The following PALLD variants were observed in gnomAD, a reference collection of about 807,000 sequenced individuals.
The protein encoded by PALLD is palladin, cytoskeletal associated protein, also known as palladin.
A neutral mutation model predicts 123.5 loss-of-function variants in PALLD; 61 were observed. The observed-to-expected ratio is 0.49, with a 90% CI of 0.40 to 0.61. The LOEUF (loss-of-function observed/expected upper bound fraction) is 0.61, where lower values mean the gene tolerates loss of function less well. Ranked by LOEUF, PALLD falls within the 20% of genes least tolerant of loss-of-function variation. The pLI, the probability that PALLD is intolerant of heterozygous loss-of-function variation, is 0.00. For synonymous variants in PALLD, 465 were observed against 496.4 expected (o/e 0.94, Z 0.84); for missense variants, 1,273 against 1,377.0 (o/e 0.92, Z 1.20).
At chr4:168,708,931 C>A in intron 8 of PALLD, 97 bp from the exon 9 acceptor site, 2 of 1,039,244 alleles carry the variant, frequency 1.9e-6, no homozygotes, top group East Asian at 2.4e-5. Context: ...ATAATCATAA[C>A]CTAATTTGTT....
intron 15 of PALLD, among the ~76,000 whole-genome samples, chr4:168,905,880 G>A (rs6813098): frequency 0.84 from 126,259 of 149,770 alleles, 53,366 homozygotes; most frequent in East Asian, 1. Flanking sequence ...GCCCACTGCA[G>A]TCTCCACCTC....
chr4:168,873,235 G>A (rs1751314438), intron 10 of PALLD, among the ~76,000 whole-genome samples: 1 of 152,180 alleles, frequency 6.6e-6, no homozygotes, highest in Non-Finnish European at 1.5e-5. Flanking sequence ...GTTTGGCCAG[G>A]TGCTGTGAGG....
chr4:168,767,261 T>C (rs1159825455), intron 10 of PALLD, among the ~76,000 whole-genome samples: 1 of 152,228 alleles, frequency 6.6e-6, no homozygotes, highest in Non-Finnish European at 1.5e-5. Context: ...TGCCACAGAC[T>C]GTGCCTGTGG....
At chr4:168,520,162 T>C (rs961938132) in intron 2 of PALLD, among the ~76,000 whole-genome samples, 1 of 151,822 alleles carries the variant, frequency 6.6e-6, no homozygotes, top group Admixed American at 6.6e-5. Context: ...CAGTCTCTAC[T>C]GAAAATACAA....
chr4:168,659,887 A>G (rs1293120453), intron 2 of PALLD, among the ~76,000 whole-genome samples: 1 of 152,266 alleles, frequency 6.6e-6, no homozygotes, highest in Non-Finnish European at 1.5e-5. Context: ...AAGTGTTAGT[A>G]TTAAAATAGA....
chr4:168,639,719 AT>A (rs372817214), intron 2 of PALLD, among the ~76,000 whole-genome samples: 22,212 of 151,444 alleles, frequency 0.15, 1,733 homozygotes, highest in East Asian at 0.3. Context: ...AATTTTTTGT[AT>A]TTTTTAGTAG....
chr4:168,816,103 G>A (rs1581616781), intron 10 of PALLD, among the ~76,000 whole-genome samples: 1 of 152,232 alleles, frequency 6.6e-6, no homozygotes, highest in African/African-American at 2.4e-5. Flanking sequence ...GCTTGCCCAA[G>A]GAATTTCTCA....
chr4:168,675,224 T>A (rs1047598691), intron 3 of PALLD, among the ~76,000 whole-genome samples: 2 of 152,072 alleles, frequency 1.3e-5, no homozygotes, highest in Non-Finnish European at 2.9e-5. Context: ...AAACCGGACC[T>A]TGTGGATAAA....
chr4:168,733,901 A>AT (rs1196060171), intron 10 of PALLD, among the ~76,000 whole-genome samples: 3 of 151,948 alleles, frequency 2.0e-5, no homozygotes, highest in Admixed American at 1.3e-4. Context: ...CACCTGGCTA[A>AT]TTTTTTTGTA....
chr4:168,665,807 GC>G (rs1376203017), intron 2 of PALLD, among the ~76,000 whole-genome samples: 2 of 152,042 alleles, frequency 1.3e-5, no homozygotes, highest in African/African-American at 4.8e-5. Flanking sequence ...ACTTTGAGGA[GC>G]AAAAAGCAGG....
chr4:168,598,530 A>C lies in PALLD; in HGVS notation c.909-69660A>C, dbSNP rs1438034854. ...GAGAGAGGTAATTGCAAAGATGTTA[A>C]CAGAGAGGGGGCAGACAGAGGTTAG... On this transcript the variant is annotated intron_variant, in intron 2 of 21. Coordinates refer to ENST00000505667, the MANE Select transcript of PALLD (RefSeq NM_001166108.2). The C allele has an allele frequency of 7.4e-6, 3 of 403,042 alleles. No homozygotes were observed. The East Asian group carries it at 2.3e-4, about 31-fold the overall frequency. 25.0% of individuals were successfully genotyped at this position (403,042 alleles called of 1,614,324 possible). A position where few individuals can be genotyped will look rare whatever the true frequency, so the allele number is the denominator to read the frequency against.
At chr4:168,847,853 C>T (rs2150961058) in intron 10 of PALLD, among the ~76,000 whole-genome samples, 1 of 151,696 alleles carries the variant, frequency 6.6e-6, no homozygotes, top group Admixed American at 6.6e-5. Context: ...CAGTTTCTCA[C>T]AATGAATATT....
At chr4:168,707,007 A>T (rs1191060785) in intron 8 of PALLD, among the ~76,000 whole-genome samples, 1 of 152,192 alleles carries the variant, frequency 6.6e-6, no homozygotes, top group Non-Finnish European at 1.5e-5. Context: ...GCACTTATTA[A>T]TTTGATGTAT....
intron 10 of PALLD, among the ~76,000 whole-genome samples, chr4:168,732,746 A>C (rs942300895): frequency 6.6e-6 from 1 of 152,226 alleles, no homozygotes; most frequent in Admixed American, 6.5e-5. Context: ...CACTGATTTA[A>C]AATATGACTC....
At position 168,928,344 on chromosome 4, in the gene PALLD, CA is replaced by C. The variant is rs1762820031; in HGVS notation, c.*2166del. ...GTATTTATAAAAAAAAAAGTACTATCAATCAATCATACTACTTTGGATTGTT... is the reference window on the plus strand; with the variant it reads ...GTATTTATAAAAAAAAAAGTACTATCATCAATCATACTACTTTGGATTGTT... On this transcript the variant is annotated 3_prime_UTR_variant, in exon 22 of 22. Transcript: ENST00000505667. The C allele has an allele frequency of 7.7e-6, 1 of 130,302 alleles. No homozygotes were observed. Among genetic ancestry groups the C allele is most frequent in the African/African-American group, 4.7e-5 (1 of 21,220 alleles). 8.1% of individuals were successfully genotyped at this position (130,302 alleles called of 1,614,324 possible). A position where few individuals can be genotyped will look rare whatever the true frequency, so the allele number is the denominator to read the frequency against.
chr4:168,927,717 T>A lies in PALLD; in HGVS notation c.*1537T>A, dbSNP rs1762735287. The A allele has an allele frequency of 4.5e-6, 1 of 223,946 alleles. No individual in the cohort carries two copies. The highest frequency in any genetic ancestry group is 8.9e-6 in the Non-Finnish European group (1 of 111,844). 13.9% of individuals were successfully genotyped at this position (223,946 alleles called of 1,614,324 possible). A position where few individuals can be genotyped will look rare whatever the true frequency, so the allele number is the denominator to read the frequency against. ...TTTGTAAAGGCATCTCGGTAAAGAC[T>A]GCTTTTTGAATGCATATGATTTTGC... On this transcript the variant is annotated 3_prime_UTR_variant, in exon 22 of 22. Coordinates refer to ENST00000505667, the MANE Select transcript of PALLD (RefSeq NM_001166108.2).
chr4:168,718,026 A>G (rs1224089528), intron 10 of PALLD, among the ~76,000 whole-genome samples: 2 of 152,160 alleles, frequency 1.3e-5, no homozygotes, highest in Non-Finnish European at 2.9e-5. Flanking sequence ...TGTGTACTTG[A>G]CATGTTAACA....
intron 10 of PALLD, among the ~76,000 whole-genome samples, chr4:168,743,081 A>G (rs551792844): frequency 1.5e-4 from 23 of 152,298 alleles, no homozygotes; most frequent in African/African-American, 5.1e-4. Flanking sequence ...CCTCCCCAGC[A>G]GTAGAAATTT....
At chr4:168,764,640 A>G (rs1733413579) in intron 10 of PALLD, among the ~76,000 whole-genome samples, 1 of 151,962 alleles carries the variant, frequency 6.6e-6, no homozygotes, top group South Asian at 2.1e-4. Flanking sequence ...TTTATTCCAA[A>G]CCCTTTCTAA....
Sources: allele counts gnomAD v4.1 joint callset (sites outside exome capture counted in the v4.1 genomes callset), GRCh38; gene constraint gnomAD v4.1.1; transcripts MANE v1.5; gene names NCBI Gene and HGNC (gene_info 2026-07-23, HGNC 2026-07-21).